SH3TC1: variants seen among roughly 807,000 people sequenced by gnomAD.
The protein encoded by SH3TC1 is SH3 domain and tetratricopeptide repeats 1.
Under a neutral mutation model 117.3 loss-of-function variants are expected in SH3TC1, and 135 were observed. The observed-to-expected ratio is 1.15, with a 90% CI of 1.00 to 1.33. The LOEUF is 1.33. Ranked by LOEUF, SH3TC1 falls within the 40% of genes most tolerant of loss-of-function variation. The probability of loss-of-function intolerance (pLI) is 0.00; values close to 1 mark genes in which losing one functional copy is unlikely to be tolerated. For synonymous variants in SH3TC1, 898 were observed against 816.9 expected (o/e 1.10, Z -1.69); for missense variants, 2,092 against 1,794.3 (o/e 1.17, Z -3.00).
At chr4:8,222,355 G>C (rs895205855) in intron 9 of SH3TC1, among the ~76,000 whole-genome samples, 1 of 138,224 alleles carries the variant, frequency 7.2e-6, no homozygotes, top group African/African-American at 2.7e-5. Flanking sequence ...TTGAGGTCAG[G>C]ATCTGGTTTT....
chr4:8,228,777 T>C lies in SH3TC1; in HGVS notation c.2950+133T>C, dbSNP rs116180940. The C allele has an allele frequency of 4.5e-3, 3,522 of 779,250 alleles. 89 individuals carry two copies. In the African/African-American group the frequency reaches 0.056, roughly 12 times the overall value. 48.3% of individuals were successfully genotyped at this position (779,250 alleles called of 1,614,324 possible). On this transcript the variant is annotated intron_variant, in intron 12 of 17. Coordinates refer to ENST00000245105, the MANE Select transcript of SH3TC1 (RefSeq NM_018986.5). ...CTGAGTCATGGCAAACAGCAGATGTTGGCAAGCGCCCTGGAGACAGGCAGT... is the reference window on the plus strand; with the variant it reads ...CTGAGTCATGGCAAACAGCAGATGTCGGCAAGCGCCCTGGAGACAGGCAGT...
At chr4:8,237,394 C>G in intron 16 of SH3TC1, 80 bp from the exon 17 acceptor site, 1 of 1,261,746 alleles carries the variant, frequency 7.9e-7, no homozygotes, top group Non-Finnish European at 1.0e-6. Flanking sequence ...TGCCTGGAGG[C>G]GAGCCAGGTG....
rs1017485557 is a variant in SH3TC1, at chr4:8,190,244, C to T, written c.-57+8034C>T. Among the ~76,000 whole-genome samples, 4 of 152,126 alleles carry T rather than the reference C, an allele frequency of 2.6e-5. No homozygotes were observed. The highest frequency in any genetic ancestry group is 3.9e-4 in the East Asian group (2 of 5,178). On this transcript the variant is annotated intron_variant, in intron 1 of 16. Transcript: ENST00000508641. The surrounding 1 kb of genome is among the most constrained non-coding windows in gnomAD (Gnocchi z 4.7). The stretch of plus-strand genomic sequence containing the variant: ...TGCTGTGACCTCAGCCTCGGAGCCT[C>T]GAGCTCCCAGGAGATGGCTCCCAGC...
At position 8,205,189 on chromosome 4, in the gene SH3TC1, C is replaced by G; in HGVS notation, c.-6C>G. 6.6e-7 allele frequency: 1 copy of G among 1,517,940 alleles called. No individual in the cohort carries two copies. Among genetic ancestry groups the G allele is most frequent in the East Asian group, 2.5e-5 (1 of 40,692 alleles). 94.0% of individuals were successfully genotyped at this position (1,517,940 alleles called of 1,614,324 possible). ...CAGGGCCAGGCATGTGAGGTCTCTG[C>G]GGGTCATGGAGAACCTCCCTGCCGT... On this transcript the variant is annotated 5_prime_UTR_variant, in exon 2 of 18. Transcript: ENST00000245105. This position sits in a 1 kb window ranked among gnomAD's most constrained non-coding sequence, Gnocchi z 5.4.
At chr4:8,234,564 C>T (rs1189419405) in intron 14 of SH3TC1, among the ~76,000 whole-genome samples, 1 of 151,890 alleles carries the variant, frequency 6.6e-6, no homozygotes, top group Non-Finnish European at 1.5e-5. Flanking sequence ...TCTGCTCATC[C>T]ATTTATCCAT....
At position 8,217,104 on chromosome 4, in the gene SH3TC1, C is replaced by T. The variant is rs747963039; in HGVS notation, c.776C>T (p.Pro259Leu). The change falls in exon 7 of 18, where the codon CCC (proline) becomes CTC (leucine). Residue 259 changes from proline (P) to leucine (L), a missense_variant. Physicochemically the swap from Pro to Leu is moderately conservative, Grantham distance 98. Coordinates refer to ENST00000245105, the MANE Select transcript of SH3TC1 (RefSeq NM_018986.5). ...APETDSSPPS[P>L]SVSSEEVAVA... ...GAAACAGACTCTTCACCGCCGAGCCCCAGCGTGTCCTCCGAGGAGGTGGCA... is the reference window on the plus strand; with the variant it reads ...GAAACAGACTCTTCACCGCCGAGCCTCAGCGTGTCCTCCGAGGAGGTGGCA... 15 of 1,613,604 alleles carry T rather than the reference C, an allele frequency of 9.3e-6. No individual in the cohort carries two copies. The highest frequency in any genetic ancestry group is 1.3e-5 in the Non-Finnish European group (15 of 1,179,914).
At chr4:8,231,877 A>G (rs188125132) in intron 12 of SH3TC1, 99 bp from the exon 13 acceptor site, 2 of 1,364,440 alleles carry the variant, frequency 1.5e-6, no homozygotes, top group Non-Finnish European at 1.0e-6. Flanking sequence ...AGGCTCACAG[A>G]GGTGTGAAAG....
intron 13 of SH3TC1, chr4:8,232,657 A>G (rs1430635753): frequency 1.5e-6 from 2 of 1,294,330 alleles, no homozygotes; most frequent in Non-Finnish European, 2.0e-6. Context: ...GCTCTCCTGG[A>G]GCATCCTGAC....
chr4:8,240,676 G>T (rs774898233), intron 17 of SH3TC1, 22 bp from the exon 18 acceptor site: 2 of 1,613,344 alleles, frequency 1.2e-6, no homozygotes, highest in Non-Finnish European at 1.7e-6. Flanking sequence ...CCCTTTTGCT[G>T]AGCATGGCCT....
At chr4:8,214,974 T>C (rs1719110337) in intron 5 of SH3TC1, among the ~76,000 whole-genome samples, 1 of 152,190 alleles carries the variant, frequency 6.6e-6, no homozygotes, top group African/African-American at 2.4e-5. Context: ...GCATGAGCCA[T>C]GAATCTGTGC....
Position 8,227,914 on chromosome 4 carries a change from G to T in SH3TC1, c.2220G>T (p.Ser740=), listed in dbSNP as rs371250451. ...VKVASLRTRG[S]LAGSLRSVNL... ...TGGCCTCATTGCGGACACGGGGCTC[G>T]CTGGCCGGCTCGCTGAGGAGTGTGA... Residue 740 remains serine (S), a synonymous_variant, in exon 12 of 18, where the codon TCG becomes TCT. Transcript: ENST00000245105. 4 of 1,612,490 alleles carry T rather than the reference G, an allele frequency of 2.5e-6. No individual in the cohort carries two copies. Among genetic ancestry groups the T allele is most frequent in the Middle Eastern group, 1.6e-4 (1 of 6,084 alleles).
upstream of SH3TC1, among the ~76,000 whole-genome samples, chr4:8,196,911 T>G (rs1012741691): frequency 2.6e-5 from 4 of 152,100 alleles, no homozygotes; most frequent in Non-Finnish European, 5.9e-5. This position sits in a 1 kb window ranked among gnomAD's most constrained non-coding sequence, Gnocchi z 4.6. Flanking sequence ...GGGCTGTGAT[T>G]GGGGGCCAAT....
intron 1 of SH3TC1, among the ~76,000 whole-genome samples, chr4:8,189,669 C>T (rs139240287): frequency 2.0e-5 from 3 of 152,222 alleles, no homozygotes; most frequent in East Asian, 1.9e-4. Flanking sequence ...TCAGGGCCGG[C>T]GGGGGGCAGT....
At position 8,193,210 on chromosome 4, in the gene SH3TC1, G is replaced by T. The variant is rs184273647; in HGVS notation, c.-57+11000G>T. The stretch of plus-strand genomic sequence containing the variant: ...CGACCTTGGAGGCTCCTGCGCGCCT[G>T]TTTCTGCTGGACAGGGCCAATGGGA... On this transcript the variant is annotated intron_variant, in intron 1 of 16. Coordinates refer to the SH3TC1 transcript ENST00000508641. Among the ~76,000 whole-genome samples the T allele has an allele frequency of 5.0e-3, 765 of 152,340 alleles. 4 individuals are homozygous for T. Among genetic ancestry groups the T allele is most frequent in the South Asian group, 0.018 (86 of 4,824 alleles).
chr4:8,218,646 A>G (rs1304302785), intron 8 of SH3TC1, among the ~76,000 whole-genome samples: 1 of 152,224 alleles, frequency 6.6e-6, no homozygotes, highest in Non-Finnish European at 1.5e-5. Flanking sequence ...CTGTCTGCAA[A>G]GAGCTCCCAA....
chr4:8,235,958 T>G (rs528554335), intron 15 of SH3TC1: 24 of 378,282 alleles, frequency 6.3e-5, no homozygotes, highest in East Asian at 1.4e-4. Flanking sequence ...TCTGAGCTCA[T>G]GGTGTGGCTC....
intron 14 of SH3TC1, among the ~76,000 whole-genome samples, chr4:8,234,013 CCATCCATCATCCATCCATCCATT>C (rs1034047463): frequency 3.6e-5 from 5 of 138,904 alleles, no homozygotes; most frequent in Admixed American, 7.1e-5. Flanking sequence ...TTCCATTTAT[CCATCCATCATCCATCCATCCATT>C]CATCCATCAT....
chr4:8,220,383 C>T (rs1719798418), intron 9 of SH3TC1, among the ~76,000 whole-genome samples: 1 of 138,076 alleles, frequency 7.2e-6, no homozygotes, highest in Non-Finnish European at 1.7e-5. Flanking sequence ...CCCCGTGGCT[C>T]CTCTGGGGGG....
chr4:8,185,615 A>G (rs1002437426), intron 1 of SH3TC1, among the ~76,000 whole-genome samples: 3 of 152,222 alleles, frequency 2.0e-5, no homozygotes, highest in East Asian at 1.9e-4. Flanking sequence ...TTTTCTGCTT[A>G]ATACGTCTCA....
Sources: allele counts gnomAD v4.1 joint callset (sites outside exome capture counted in the v4.1 genomes callset), GRCh38; gene constraint gnomAD v4.1.1; non-coding constraint Gnocchi (gnomAD v3.1); transcripts MANE v1.5; gene names NCBI Gene and HGNC (gene_info 2026-07-23, HGNC 2026-07-21).